Variants in FRMD5 observed in about 807,000 individuals in gnomAD.
FRMD5 encodes FERM domain-containing protein 5.
A neutral mutation model predicts 69.0 loss-of-function variants in FRMD5; 20 were observed. That is an observed-to-expected ratio of 0.29 (90% CI 0.20 to 0.42). FRMD5 has a LOEUF of 0.42. FRMD5 is among the 10% of genes least tolerant of loss of function. The pLI is 1.00. For missense variants in FRMD5, 595 were observed against 708.6 expected (o/e 0.84, Z 1.82); for synonymous variants, 271 against 260.1 (o/e 1.04, Z -0.40).
intron 1 of FRMD5, among the ~76,000 whole-genome samples, chr15:43,947,787 A>C (rs973188544): frequency 1.5e-4 from 23 of 152,250 alleles, no homozygotes; most frequent in African/African-American, 5.5e-4. Context: ...AAGCAGAGGC[A>C]GCTGGGATAC....
intron 1 of FRMD5, among the ~76,000 whole-genome samples, chr15:44,118,072 A>G (rs2076896403): frequency 7.3e-6 from 1 of 136,918 alleles, no homozygotes; most frequent in African/African-American, 2.9e-5. Flanking sequence ...TGCTAGGGGT[A>G]GTGATTGAGG....
chr15:44,145,427 T>C (rs938332871), intron 1 of FRMD5, among the ~76,000 whole-genome samples: 6 of 148,616 alleles, frequency 4.0e-5, no homozygotes, highest in Admixed American at 4.0e-4. Flanking sequence ...TGCAGTGTTC[T>C]TGTACCAGTG....
At chr15:44,005,669 G>C (rs1230233218) in intron 1 of FRMD5, among the ~76,000 whole-genome samples, 1 of 151,982 alleles carries the variant, frequency 6.6e-6, no homozygotes, top group Admixed American at 6.6e-5. Context: ...CGGAGCACGA[G>C]GAAAAGAGTG....
intron 1 of FRMD5, among the ~76,000 whole-genome samples, chr15:43,984,299 A>G (rs1483140503): frequency 6.6e-6 from 1 of 152,118 alleles, no homozygotes; most frequent in Admixed American, 6.5e-5. Context: ...AGTATATTCA[A>G]CCCCTACCCA....
intron 1 of FRMD5, among the ~76,000 whole-genome samples, chr15:43,948,862 T>G (rs1034428146): frequency 6.6e-6 from 1 of 152,204 alleles, no homozygotes; most frequent in African/African-American, 2.4e-5. Context: ...ATGCAAATCT[T>G]CTAAGAACCT....
At chr15:44,035,707 T>C (rs1329604879) in intron 1 of FRMD5, among the ~76,000 whole-genome samples, 2 of 152,214 alleles carry the variant, frequency 1.3e-5, no homozygotes, top group Non-Finnish European at 2.9e-5. Flanking sequence ...TGTTTCTTAT[T>C]AGAGGTTGGT....
intron 1 of FRMD5, among the ~76,000 whole-genome samples, chr15:44,154,339 GA>G (rs1025291423): frequency 8.1e-5 from 12 of 148,568 alleles, no homozygotes; most frequent in African/African-American, 2.7e-4. Context: ...AACAAACAAA[GA>G]AAAAAAACCT....
chr15:44,092,396 C>G (rs2076485613), intron 1 of FRMD5, among the ~76,000 whole-genome samples: 2 of 152,234 alleles, frequency 1.3e-5, no homozygotes, highest in Non-Finnish European at 2.9e-5. Context: ...TAAGATACAG[C>G]TGTGATTCAC....
intron 1 of FRMD5, among the ~76,000 whole-genome samples, chr15:44,121,072 C>A (rs985327515): frequency 2.6e-5 from 4 of 151,706 alleles, no homozygotes; most frequent in African/African-American, 9.7e-5. Context: ...TCAAGTATAA[C>A]CCCCTGAAGG....
chr15:44,129,437 G>T (rs540528675), intron 1 of FRMD5, among the ~76,000 whole-genome samples: 10 of 152,276 alleles, frequency 6.6e-5, no homozygotes, highest in African/African-American at 2.4e-4. Context: ...TAACAACTTT[G>T]TCCTGTTTCT....
At chr15:44,169,243 A>G (rs1290871395) in intron 1 of FRMD5, among the ~76,000 whole-genome samples, 1 of 152,056 alleles carries the variant, frequency 6.6e-6, no homozygotes, top group Non-Finnish European at 1.5e-5. Flanking sequence ...CCTTGCATGT[A>G]ATTCTTCAGG....
At chr15:43,956,159 T>C (rs1439139391) in intron 1 of FRMD5, among the ~76,000 whole-genome samples, 1 of 152,222 alleles carries the variant, frequency 6.6e-6, no homozygotes, top group Admixed American at 6.5e-5. Context: ...CACAATAATC[T>C]TTAGGCAGGA....
Position 44,170,415 on chromosome 15 carries a change from C to T in FRMD5, c.102+24538G>A, listed in dbSNP as rs1037704288. On this transcript the variant is annotated intron_variant, in intron 1 of 13. Transcript: ENST00000417257. ...GCATACATCTCTAATCCCAGCTACA[C>T]GGGAAGCTGAGGTGAGAGAATCACT... Among the ~76,000 whole-genome samples, 14 of 151,794 alleles carry T rather than the reference C, an allele frequency of 9.2e-5. No individual in the cohort carries two copies. The East Asian group carries it at 1.2e-3, about 13-fold the overall frequency.
chr15:44,008,165 T>C (rs983591161), intron 1 of FRMD5, among the ~76,000 whole-genome samples: 5 of 144,548 alleles, frequency 3.5e-5, no homozygotes, highest in South Asian at 4.5e-4. Context: ...ACTCCTGGAC[T>C]CAGGTGACAC....
chr15:43,954,486 C>T (rs2090084171), intron 1 of FRMD5, among the ~76,000 whole-genome samples: 1 of 152,078 alleles, frequency 6.6e-6, no homozygotes, highest in African/African-American at 2.4e-5. Context: ...GCTGGGTGGC[C>T]AAAGTAAGAT....
intron 1 of FRMD5, among the ~76,000 whole-genome samples, chr15:44,181,800 G>T (rs2078006130): frequency 6.6e-6 from 1 of 152,022 alleles, no homozygotes; most frequent in South Asian, 2.1e-4. Context: ...CAGATACTGG[G>T]GAGGCTGAGA....
At chr15:44,143,739 C>T (rs200284962) in intron 1 of FRMD5, among the ~76,000 whole-genome samples, 9 of 151,146 alleles carry the variant, frequency 6.0e-5, no homozygotes, top group Non-Finnish European at 8.8e-5. Flanking sequence ...TCCTGGCTAA[C>T]GCGGTGAAAC....
chr15:43,879,715 T>C, intron 13 of FRMD5: 1 of 398,860 alleles, frequency 2.5e-6, no homozygotes, highest in Admixed American at 4.4e-5. Context: ...AACCAGCTGA[T>C]CTCTTCAGAG....
intron 13 of FRMD5, among the ~76,000 whole-genome samples, chr15:43,880,013 A>C (rs758927408): frequency 6.6e-6 from 1 of 152,150 alleles, no homozygotes; most frequent in Non-Finnish European, 1.5e-5. Context: ...AAGGGCTCCA[A>C]CCTCTCAGAG....
Sources: allele counts gnomAD v4.1 joint callset (sites outside exome capture counted in the v4.1 genomes callset), GRCh38; gene constraint gnomAD v4.1.1; transcripts MANE v1.5; gene names NCBI Gene and HGNC (gene_info 2026-07-23, HGNC 2026-07-21).